Variants in CIMIP2C observed in about 807,000 individuals in gnomAD.
CIMIP2C encodes ciliary microtubule inner protein 2C.
At chr2:26,577,588 C>A in the CIMIP2C span, 1 of 1,614,094 alleles carries the variant, frequency 6.2e-7, no homozygotes, top group Non-Finnish European at 8.5e-7. Flanking sequence ...CTTTGCGATG[C>A]CCGTGAGGGA....
At chr2:26,575,073 C>A in the CIMIP2C span, among the ~76,000 whole-genome samples, 1 of 152,214 alleles carries the variant, frequency 6.6e-6, no homozygotes, top group Non-Finnish European at 1.5e-5. Flanking sequence ...TCTCATTTAA[C>A]CAAGGATCTC....
the CIMIP2C span, among the ~76,000 whole-genome samples, chr2:26,571,250 C>T: frequency 3.3e-5 from 5 of 152,130 alleles, no homozygotes; most frequent in African/African-American, 4.8e-5. Flanking sequence ...GCAACACCAT[C>T]GCCTGGGGAA....
the CIMIP2C span, among the ~76,000 whole-genome samples, chr2:26,570,846 A>T: frequency 1.3e-5 from 2 of 152,114 alleles, no homozygotes; most frequent in African/African-American, 4.8e-5. Context: ...TTGTCCAGGC[A>T]AGCAATGAGG....
At chr2:26,568,356 C>T in the CIMIP2C span, among the ~76,000 whole-genome samples, 1 of 152,172 alleles carries the variant, frequency 6.6e-6, no homozygotes, top group Non-Finnish European at 1.5e-5. Context: ...CATTCCCCAC[C>T]CCTTTCCCAG....
At chr2:26,575,575 C>G in the CIMIP2C span, among the ~76,000 whole-genome samples, 1 of 152,234 alleles carries the variant, frequency 6.6e-6, no homozygotes, top group African/African-American at 2.4e-5. Flanking sequence ...GCCCCTTGGA[C>G]TTGGCCATCC....
the CIMIP2C span, among the ~76,000 whole-genome samples, chr2:26,571,159 C>T: frequency 3.9e-5 from 6 of 151,954 alleles, no homozygotes; most frequent in East Asian, 1.9e-4. Flanking sequence ...CTGTCATTGA[C>T]ATACGGGACA....
chr2:26,578,073 C>T, the CIMIP2C span: 84 of 163,528 alleles, frequency 5.1e-4, no homozygotes, highest in African/African-American at 1.9e-3. Context: ...GGAAAATGTT[C>T]TCCTAAGGAC....
chr2:26,565,765 T>G, the CIMIP2C span, among the ~76,000 whole-genome samples: 1 of 152,258 alleles, frequency 6.6e-6, no homozygotes, highest in Non-Finnish European at 1.5e-5. Flanking sequence ...TTGATCATTG[T>G]TAGCTGTTAT....
At chr2:26,567,556 C>T in the CIMIP2C span, among the ~76,000 whole-genome samples, 1 of 152,200 alleles carries the variant, frequency 6.6e-6, no homozygotes, top group Admixed American at 6.5e-5. Context: ...GGGGCTTTAC[C>T]CTTCAGGGAG....
At chr2:26,563,844 T>G in the CIMIP2C span, among the ~76,000 whole-genome samples, 1 of 152,228 alleles carries the variant, frequency 6.6e-6, no homozygotes, top group South Asian at 2.1e-4. Context: ...AACCAGGGGC[T>G]GGTGCTGTAG....
At chr2:26,572,083 G>A in the CIMIP2C span, 3 of 1,540,712 alleles carry the variant, frequency 1.9e-6, no homozygotes, top group Admixed American at 2.1e-5. Context: ...CCATTATGTT[G>A]TACTTTTTTC....
At chr2:26,563,014 C>T in the CIMIP2C span, 14 of 349,370 alleles carry the variant, frequency 4.0e-5, no homozygotes, top group Non-Finnish European at 6.2e-5. Context: ...TGCTTGGAGA[C>T]GCCCCAGGCG....
chr2:26,578,665 GTGGGACTCTCC>G, the CIMIP2C span: 4 of 450,702 alleles, frequency 8.9e-6, no homozygotes, highest in African/African-American at 8.0e-5. Context: ...CTAGAGTATA[GTGGGACTCTCC>G]TGGGGACAGG....
the CIMIP2C span, among the ~76,000 whole-genome samples, chr2:26,574,199 G>T: frequency 6.6e-6 from 1 of 152,148 alleles, no homozygotes; most frequent in Admixed American, 6.5e-5. Flanking sequence ...GCTGGGCCCG[G>T]GTCAGATCAC....
At chr2:26,573,486 T>G in the CIMIP2C span, among the ~76,000 whole-genome samples, 1 of 143,950 alleles carries the variant, frequency 6.9e-6, no homozygotes, top group African/African-American at 3.0e-5. Flanking sequence ...GATGGGACAA[T>G]GAGGCCTTGG....
At chr2:26,567,796 C>G in the CIMIP2C span, among the ~76,000 whole-genome samples, 1 of 152,156 alleles carries the variant, frequency 6.6e-6, no homozygotes, top group East Asian at 1.9e-4. Context: ...TGTGTTCGGG[C>G]CCCATCTAGA....
At chr2:26,566,783 G>C in the CIMIP2C span, among the ~76,000 whole-genome samples, 6 of 152,164 alleles carry the variant, frequency 3.9e-5, no homozygotes, top group Non-Finnish European at 8.8e-5. Context: ...GCAGTGGCAC[G>C]ATCACAGCTC....
the CIMIP2C span, among the ~76,000 whole-genome samples, chr2:26,573,144 G>A: frequency 4.6e-5 from 7 of 152,196 alleles, no homozygotes; most frequent in Non-Finnish European, 7.3e-5. Context: ...AGAGGTTCAC[G>A]TTTCAATGGT....
At chr2:26,570,127 G>A in the CIMIP2C span, among the ~76,000 whole-genome samples, 383 of 152,348 alleles carry the variant, frequency 2.5e-3, 1 homozygote, top group Non-Finnish European at 4.6e-3. Context: ...GGAGGATTGC[G>A]GAGGAGAGGG....
Sources: allele counts gnomAD v4.1 joint callset (sites outside exome capture counted in the v4.1 genomes callset), GRCh38; gene constraint gnomAD v4.1.1; transcripts MANE v1.5; gene names NCBI Gene and HGNC (gene_info 2026-07-23, HGNC 2026-07-21).